The following OR9Q1 variants were observed in gnomAD, a reference collection of about 807,000 sequenced individuals.
The protein encoded by OR9Q1 is olfactory receptor 9Q1.
For missense variants in OR9Q1, 374 were observed against 378.8 expected, an observed-to-expected ratio of 0.99 and a Z score of 0.11; for synonymous variants, 153 against 148.6, an observed-to-expected ratio of 1.03 and a Z score of -0.22.
At position 58,119,219 on chromosome 11, in the gene OR9Q1, C is replaced by T. The variant is rs201613857; in HGVS notation, c.-14-60212C>T. On this transcript the variant is annotated intron_variant, in intron 2 of 2. Transcript: ENST00000335397. ...GTGGCTAGGATCTGAGGGGTGATGA[C>T]TGAGGTGTAACAGGCATCCAGCAGG... is the stretch of plus-strand genomic sequence containing the variant. 8.3e-5 allele frequency: 134 copies of T among 1,613,790 alleles called. 2 individuals are homozygous for T. In the South Asian group the frequency reaches 1.3e-3, roughly 16 times the overall value.
intron 1 of OR9Q1, chr11:58,031,260 C>G (rs1853031536): frequency 6.2e-7 from 1 of 1,614,128 alleles, no homozygotes; most frequent in Non-Finnish European, 8.5e-7. Context: ...GATTGCCTAT[C>G]CCAGCTCTTC....
In OR9Q1 at chr11:58,180,123, G is replaced by T. The variant is rs371905454; in HGVS notation, c.679G>T (p.Gly227Trp). 1 of 1,613,988 alleles carries T rather than the reference G, an allele frequency of 6.2e-7. No individual in the cohort carries two copies. Among genetic ancestry groups the T allele is most frequent in the South Asian group, 1.1e-5 (1 of 91,074 alleles). Residue 227 changes from glycine (G) to tryptophan (W), a missense_variant, in exon 3 of 3, where the codon GGG becomes TGG. By Grantham distance (184) the Gly-to-Trp change is radical (BLOSUM62 -2). Transcript: ENST00000335397. ...SYLFIIVAIM[G>W]IPAGSQAKTF... ...CCTGTTTATCATCGTGGCCATCATG[G>T]GGATCCCTGCTGGAAGCCAGGCCAA...
At chr11:58,113,161 T>C (rs931108230) in intron 2 of OR9Q1, among the ~76,000 whole-genome samples, 6 of 152,208 alleles carry the variant, frequency 3.9e-5, no homozygotes, top group African/African-American at 1.4e-4. Flanking sequence ...AATGAGGTGC[T>C]TCATTTCATT....
chr11:58,032,273 A>G (rs1361911241), intron 1 of OR9Q1, among the ~76,000 whole-genome samples: 1 of 152,210 alleles, frequency 6.6e-6, no homozygotes, highest in Non-Finnish European at 1.5e-5. Context: ...AATTCATATG[A>G]AAGCAAAAAA....
At chr11:58,139,993 G>T (rs1254980815) in intron 2 of OR9Q1, among the ~76,000 whole-genome samples, 1 of 152,052 alleles carries the variant, frequency 6.6e-6, no homozygotes, top group African/African-American at 2.4e-5. Flanking sequence ...GTGTGAGATG[G>T]TATCTCATTG....
intron 1 of OR9Q1, among the ~76,000 whole-genome samples, chr11:58,032,322 C>A (rs758430821): frequency 5.3e-5 from 8 of 151,802 alleles, no homozygotes; most frequent in African/African-American, 7.3e-5. Flanking sequence ...GCAAAAAAAA[C>A]CAAAAAAATA....
chr11:58,111,858 A>T (rs1281910581), intron 2 of OR9Q1, among the ~76,000 whole-genome samples: 1 of 152,028 alleles, frequency 6.6e-6, no homozygotes, highest in Non-Finnish European at 1.5e-5. Context: ...AGCATTTTAC[A>T]TGATTATTTA....
intron 1 of OR9Q1, among the ~76,000 whole-genome samples, chr11:58,053,108 C>G (rs1388314160): frequency 2.0e-5 from 3 of 151,714 alleles, no homozygotes; most frequent in South Asian, 2.1e-4. Flanking sequence ...GGTATATACC[C>G]AAAGGACTAT....
At chr11:58,128,188 G>GA (rs5792083) in intron 2 of OR9Q1, among the ~76,000 whole-genome samples, 1 of 137,906 alleles carries the variant, frequency 7.3e-6, no homozygotes, top group Non-Finnish European at 1.5e-5. Context: ...TATATTAATA[G>GA]AAAAAATATT....
At chr11:58,063,609 A>G (rs1024456024) in intron 2 of OR9Q1, among the ~76,000 whole-genome samples, 1 of 152,104 alleles carries the variant, frequency 6.6e-6, no homozygotes, top group Admixed American at 6.6e-5. Flanking sequence ...GGTACATATC[A>G]CTCCTCCTAG....
intron 2 of OR9Q1, among the ~76,000 whole-genome samples, chr11:58,141,292 G>T (rs962039001): frequency 6.6e-6 from 1 of 152,142 alleles, no homozygotes; most frequent in South Asian, 2.1e-4. Flanking sequence ...TCCCTGTCTT[G>T]TGCCAGTTTT....
At chr11:58,086,425 G>A (rs1405921278) in intron 2 of OR9Q1, among the ~76,000 whole-genome samples, 1 of 151,834 alleles carries the variant, frequency 6.6e-6, no homozygotes, top group Non-Finnish European at 1.5e-5. Context: ...AATGAATACA[G>A]CCATTATGGA....
chr11:58,061,010 C>T (rs943461133), intron 2 of OR9Q1, among the ~76,000 whole-genome samples: 6 of 152,136 alleles, frequency 3.9e-5, no homozygotes, highest in Non-Finnish European at 7.3e-5. Flanking sequence ...ATGCCTTTTC[C>T]TCTCCAATCA....
intron 2 of OR9Q1, among the ~76,000 whole-genome samples, chr11:58,154,208 A>G (rs1854383506): frequency 6.7e-6 from 1 of 150,216 alleles, no homozygotes. Context: ...GGGGAGGAGA[A>G]GGAGGAAGGA....
chr11:58,147,807 A>G (rs1280126639), intron 2 of OR9Q1, among the ~76,000 whole-genome samples: 2 of 152,168 alleles, frequency 1.3e-5, no homozygotes, highest in African/African-American at 2.4e-5. Context: ...TGTGTGTCAG[A>G]TTCTGTGCTG....
At chr11:58,031,511 C>A in intron 1 of OR9Q1, 1 of 1,614,136 alleles carries the variant, frequency 6.2e-7, no homozygotes, top group African/African-American at 1.3e-5. Flanking sequence ...TGATGCCTCA[C>A]CCTTGCTAGC....
intron 2 of OR9Q1, among the ~76,000 whole-genome samples, chr11:58,145,914 T>C (rs1276271005): frequency 1.3e-5 from 2 of 152,090 alleles, no homozygotes; most frequent in Non-Finnish European, 2.9e-5. Flanking sequence ...AAAGAAAACT[T>C]TTCTTAACAT....
chr11:58,180,594 T>C lies in OR9Q1; in HGVS notation c.*217T>C. 2.4e-6 allele frequency: 1 copy of C among 408,544 alleles called. No individual in the cohort carries two copies. Among genetic ancestry groups the C allele is most frequent in the Non-Finnish European group, 4.5e-6 (1 of 221,442 alleles). The allele number at this position is 408,544 out of a possible 1,614,324, so 25.3% of individuals were successfully genotyped here. A position where few individuals can be genotyped will look rare whatever the true frequency, so the allele number is the denominator to read the frequency against. The stretch of plus-strand genomic sequence containing the variant: ...TGGGAGTTTTGATTCCCAGGACAAG[T>C]GACAAAAGGATTTGAAATTAAAGCC... On this transcript the variant is annotated 3_prime_UTR_variant, in exon 3 of 3. Coordinates refer to ENST00000335397, the MANE Select transcript of OR9Q1 (RefSeq NM_001005212.4).
chr11:58,145,526 T>C (rs1473027631), intron 2 of OR9Q1: 1 of 152,162 alleles, frequency 6.6e-6, no homozygotes, highest in East Asian at 1.9e-4. Flanking sequence ...CAAAGACATA[T>C]TGAGGCAGAA....
Sources: allele counts gnomAD v4.1 joint callset (sites outside exome capture counted in the v4.1 genomes callset), GRCh38; gene constraint gnomAD v4.1.1; transcripts MANE v1.5; gene names NCBI Gene and HGNC (gene_info 2026-07-23, HGNC 2026-07-21).